The following PHACTR1 variants were observed in gnomAD, a reference collection of about 807,000 sequenced individuals.
PHACTR1 encodes the protein RPEL repeat containing 1.
A neutral mutation model predicts 69.2 loss-of-function variants in PHACTR1; 16 were observed. That is an observed-to-expected ratio of 0.23 (90% CI 0.16 to 0.35). The LOEUF (loss-of-function observed/expected upper bound fraction) is 0.35, where lower values mean the gene tolerates loss of function less well. PHACTR1 is among the 10% of genes least tolerant of loss of function. PHACTR1 has a pLI of 1.00. For missense variants in PHACTR1, 510 were observed against 734.7 expected (o/e 0.69, Z 3.54); for synonymous variants, 312 against 284.5 (o/e 1.10, Z -0.97).
chr6:13,204,896 C>T (rs898439837), intron 7 of PHACTR1, among the ~76,000 whole-genome samples: 2 of 152,208 alleles, frequency 1.3e-5, no homozygotes, highest in African/African-American at 4.8e-5. Flanking sequence ...CTAGGGCTGG[C>T]TTTAAATCCC....
At chr6:13,032,665 G>A (rs1398257068) in intron 4 of PHACTR1, among the ~76,000 whole-genome samples, 1 of 151,742 alleles carries the variant, frequency 6.6e-6, no homozygotes, top group Non-Finnish European at 1.5e-5. Flanking sequence ...TTGCCAGGCT[G>A]GAATGCAGTG....
chr6:12,852,681 T>G, intron 4 of PHACTR1, among the ~76,000 whole-genome samples: 1 of 152,242 alleles, frequency 6.6e-6, no homozygotes, highest in East Asian at 1.9e-4. Flanking sequence ...GAAAGCTTTC[T>G]GTGATATATG....
intron 5 of PHACTR1, among the ~76,000 whole-genome samples, chr6:13,132,825 C>T (rs1437775392): frequency 6.6e-6 from 1 of 151,742 alleles, no homozygotes; most frequent in Non-Finnish European, 1.5e-5. Context: ...TGATTACTGA[C>T]TGATCAGGGT....
intron 10 of PHACTR1, among the ~76,000 whole-genome samples, chr6:13,231,000 A>G (rs1770812073): frequency 6.8e-6 from 1 of 146,898 alleles, no homozygotes; most frequent in Non-Finnish European, 1.5e-5. Context: ...CAGGTGACAG[A>G]GAGAGAGAGA....
intron 4 of PHACTR1, among the ~76,000 whole-genome samples, chr6:12,779,859 C>T (rs774491117): frequency 3.3e-5 from 5 of 152,084 alleles, no homozygotes; most frequent in Admixed American, 1.3e-4. Context: ...AAGCCCTTTC[C>T]GTATAGATAG....
chr6:13,075,103 C>T (rs1450696247), intron 5 of PHACTR1, among the ~76,000 whole-genome samples: 1 of 152,186 alleles, frequency 6.6e-6, no homozygotes, highest in African/African-American at 2.4e-5. Flanking sequence ...GACATTTTCA[C>T]CAACTATTAG....
At chr6:13,078,250 G>C (rs1159332246) in intron 5 of PHACTR1, among the ~76,000 whole-genome samples, 1 of 152,048 alleles carries the variant, frequency 6.6e-6, no homozygotes, top group South Asian at 2.1e-4. Flanking sequence ...GTCATTCCTT[G>C]GCTTGTAGAA....
At chr6:12,901,480 T>C (rs2127482709) in intron 4 of PHACTR1, among the ~76,000 whole-genome samples, 2 of 152,144 alleles carry the variant, frequency 1.3e-5, no homozygotes, top group East Asian at 3.9e-4. Flanking sequence ...GAAAATAAAA[T>C]GGATTTCACG....
chr6:12,901,533 C>T (rs1286026346), intron 4 of PHACTR1, among the ~76,000 whole-genome samples: 7 of 152,148 alleles, frequency 4.6e-5, no homozygotes, highest in South Asian at 2.1e-4. Context: ...CCTGCTCTGT[C>T]GCCCAGGCTG....
At chr6:12,957,451 C>G in intron 4 of PHACTR1, 1 of 985,368 alleles carries the variant, frequency 1.0e-6, no homozygotes, top group Non-Finnish European at 1.2e-6. Flanking sequence ...TGAAATGTTC[C>G]CTGTTTCTGC....
chr6:13,125,956 C>T (rs1819472930), intron 5 of PHACTR1, among the ~76,000 whole-genome samples: 1 of 151,990 alleles, frequency 6.6e-6, no homozygotes. Context: ...TAAACATAGT[C>T]CAAATTAAAT....
chr6:12,929,347 G>A (rs932189147), intron 4 of PHACTR1, among the ~76,000 whole-genome samples: 17 of 152,126 alleles, frequency 1.1e-4, no homozygotes, highest in African/African-American at 3.4e-4. Flanking sequence ...AGTAAGTCAC[G>A]TTCACCCGAA....
At chr6:13,063,972 T>C (rs1808099554) in intron 5 of PHACTR1, among the ~76,000 whole-genome samples, 1 of 152,198 alleles carries the variant, frequency 6.6e-6, no homozygotes. Context: ...TTATTCTCTA[T>C]ATTATGGGAA....
At chr6:13,211,911 T>TAA (rs985033630) in intron 8 of PHACTR1, among the ~76,000 whole-genome samples, 5 of 152,106 alleles carry the variant, frequency 3.3e-5, no homozygotes, top group African/African-American at 7.2e-5. Context: ...GACTGCCATT[T>TAA]AAAAACACAC....
chr6:13,195,757 C>CAAAAAAAAAAAA lies in PHACTR1; in HGVS notation c.665-10046_665-10035dup, dbSNP rs869092852. On this transcript the variant is annotated intron_variant, in intron 7 of 14. Transcript: ENST00000332995. ...TGGGCGACAGAGAGAGACACCGTCT[C>CAAAAAAAAAAAA]AAAAAAAAAAAAAAAAAAAAAAAGT... Among the ~76,000 whole-genome samples the CAAAAAAAAAAAA allele has an allele frequency of 4.1e-3, 171 of 41,468 alleles. 28 individuals are homozygous for CAAAAAAAAAAAA. The highest frequency in any genetic ancestry group is 9.4e-3 in the South Asian group (15 of 1,594). 27.2% of individuals were successfully genotyped at this position (41,468 alleles called of 152,430 possible).
chr6:13,011,724 A>G (rs72820860), intron 4 of PHACTR1, among the ~76,000 whole-genome samples: 28,046 of 152,246 alleles, frequency 0.18, 2,810 homozygotes, highest in Middle Eastern at 0.27. Flanking sequence ...ATGCAATTTA[A>G]AATACACATT....
intron 4 of PHACTR1, 103 bp downstream of exon 4, chr6:12,749,893 C>A: frequency 8.8e-7 from 1 of 1,132,664 alleles, no homozygotes; most frequent in Non-Finnish European, 1.2e-6. Flanking sequence ...CCGCCCCCCG[C>A]AGTCGGGCGC....
chr6:13,182,421 A>T lies in PHACTR1; in HGVS notation c.497-98A>T, dbSNP rs572142655. On this transcript the variant is annotated intron_variant, in intron 6 of 14. Coordinates refer to ENST00000332995, the MANE Select transcript of PHACTR1 (RefSeq NM_030948.6). ...ATGTTGGTTTCAGAGGCTGACCTTGATTGTTCAGCAGCATCTAGACTCAGC... is the reference window on the plus strand; with the variant it reads ...ATGTTGGTTTCAGAGGCTGACCTTGTTTGTTCAGCAGCATCTAGACTCAGC... The T allele has an allele frequency of 4.5e-6, 6 of 1,325,322 alleles. No individual in the cohort carries two copies. In the South Asian group the frequency reaches 4.7e-5, roughly 10 times the overall value. The allele number at this position is 1,325,322 out of a possible 1,614,324, so 82.1% of individuals were successfully genotyped here.
At chr6:13,215,853 C>A (rs550641723) in intron 8 of PHACTR1, among the ~76,000 whole-genome samples, 72 of 152,288 alleles carry the variant, frequency 4.7e-4, no homozygotes, top group African/African-American at 1.7e-3. Context: ...CATGGATAAG[C>A]CAGTCCAATC....
Sources: gnomAD v4.1 joint callset for allele counts (sites outside exome capture counted in the v4.1 genomes callset) on GRCh38, gnomAD v4.1.1 for gene constraint, MANE v1.5 for transcripts, NCBI Gene and HGNC (gene_info 2026-07-23, HGNC 2026-07-21) for gene names.